Variants in NPEPPS observed in about 807,000 individuals in gnomAD.
NPEPPS encodes the protein puromycin-sensitive aminopeptidase.
NPEPPS carries 14 observed loss-of-function variants against 115.5 expected under a neutral mutation model. That is an observed-to-expected ratio of 0.12 (90% CI 0.08 to 0.19). NPEPPS has a LOEUF of 0.19. NPEPPS is among the 10% of genes least tolerant of loss of function. NPEPPS has a pLI of 1.00. For missense variants in NPEPPS, 523 were observed against 1,110.8 expected, an observed-to-expected ratio of 0.47 and a Z score of 7.52; for synonymous variants, 285 against 390.6, an observed-to-expected ratio of 0.73 and a Z score of 3.19.
At chr17:47,600,032 C>G (rs1222946949) in intron 14 of NPEPPS, among the ~76,000 whole-genome samples, 1 of 152,064 alleles carries the variant, frequency 6.6e-6, no homozygotes, top group Non-Finnish European at 1.5e-5. Context: ...GTTGGCCAGA[C>G]TGGTCTTGAA....
At chr17:47,559,519 G>A (rs1291262558) in intron 2 of NPEPPS, 2 of 289,294 alleles carry the variant, frequency 6.9e-6, no homozygotes, top group Non-Finnish European at 6.8e-6. Flanking sequence ...TTTGAACATA[G>A]TAAGCAGGTA....
intron 12 of NPEPPS, among the ~76,000 whole-genome samples, chr17:47,594,591 TTTATGTTATG>T (rs71141919): frequency 0.21 from 29,501 of 138,118 alleles, 3,230 homozygotes; most frequent in East Asian, 0.25. Context: ...TGTATTTTAT[TTTATGTTATG>T]TTATGTTATG....
chr17:47,563,407 A>G (rs1387254451), intron 2 of NPEPPS, among the ~76,000 whole-genome samples: 3 of 152,152 alleles, frequency 2.0e-5, no homozygotes, highest in Non-Finnish European at 4.4e-5. Context: ...ACACTTACAC[A>G]TAGATGCTTA....
intron 1 of NPEPPS, among the ~76,000 whole-genome samples, chr17:47,525,338 G>C (rs376712168): frequency 2.0e-5 from 3 of 151,972 alleles, no homozygotes; most frequent in African/African-American, 7.2e-5. Context: ...TGTGGCCCTA[G>C]TGTTTTGTTT....
chr17:47,538,186 C>T (rs1326877363), intron 1 of NPEPPS, among the ~76,000 whole-genome samples: 7 of 140,306 alleles, frequency 5.0e-5, no homozygotes, highest in African/African-American at 1.6e-4. Flanking sequence ...AGCCACCGCG[C>T]CTAGCCATAT....
At chr17:47,536,949 G>A (rs1242837335) in intron 1 of NPEPPS, among the ~76,000 whole-genome samples, 2 of 150,442 alleles carry the variant, frequency 1.3e-5, no homozygotes, top group Non-Finnish European at 3.0e-5. Context: ...CTGACCTCAG[G>A]TGATCCACCC....
At chr17:47,577,838 C>G (rs546263959) in intron 3 of NPEPPS, among the ~76,000 whole-genome samples, 13 of 152,222 alleles carry the variant, frequency 8.5e-5, no homozygotes, top group South Asian at 4.1e-4. Flanking sequence ...CTCGCACTCC[C>G]CATAACTTTT....
At chr17:47,524,622 G>A (rs1265452129) in intron 1 of NPEPPS, among the ~76,000 whole-genome samples, 2 of 151,138 alleles carry the variant, frequency 1.3e-5, no homozygotes, top group Non-Finnish European at 2.9e-5. Flanking sequence ...AGCCTCCTGA[G>A]TAGCTGGGAC....
intron 1 of NPEPPS, among the ~76,000 whole-genome samples, chr17:47,540,443 C>T (rs1908665061): frequency 6.6e-6 from 1 of 152,138 alleles, no homozygotes; most frequent in South Asian, 2.1e-4. Context: ...ATGAAGGTGT[C>T]AAAGGTGGGA....
chr17:47,573,936 G>A (rs1331797195), intron 3 of NPEPPS, among the ~76,000 whole-genome samples: 5 of 151,278 alleles, frequency 3.3e-5, no homozygotes, highest in South Asian at 2.1e-4. Context: ...TATATTCTGC[G>A]TTTACACTGT....
At chr17:47,548,590 C>CTTTTTTTTT (rs538733982) in intron 2 of NPEPPS, among the ~76,000 whole-genome samples, 1 of 104,724 alleles carries the variant, frequency 9.5e-6, no homozygotes, top group African/African-American at 3.6e-5. Context: ...CTGAAAAGTT[C>CTTTTTTTTT]TTTTTTTTTT....
At chr17:47,601,498 A>G (rs974160992) in intron 14 of NPEPPS, 110 bp from the exon 15 acceptor site, 10 of 1,134,756 alleles carry the variant, frequency 8.8e-6, no homozygotes, top group Non-Finnish European at 1.0e-5. Context: ...AGAATGAACT[A>G]TTGACTTAAC....
chr17:47,577,552 T>C (rs180697602), intron 3 of NPEPPS, among the ~76,000 whole-genome samples: 413 of 152,338 alleles, frequency 2.7e-3, no homozygotes, highest in African/African-American at 9.6e-3. Flanking sequence ...TCATATATAC[T>C]GTCCCAGTAA....
At chr17:47,557,624 T>A (rs1910137279) in intron 2 of NPEPPS, 1 of 149,356 alleles carries the variant, frequency 6.7e-6, no homozygotes, top group Non-Finnish European at 1.5e-5. Context: ...CCTAAAAATG[T>A]ACTGCTTTTA....
intron 2 of NPEPPS, among the ~76,000 whole-genome samples, chr17:47,567,579 T>G (rs1188494938): frequency 6.6e-6 from 1 of 152,052 alleles, no homozygotes; most frequent in Non-Finnish European, 1.5e-5. Flanking sequence ...ATGTCATCTA[T>G]TAATATTTAA....
At chr17:47,560,460 T>C (rs1910355835) in intron 2 of NPEPPS, among the ~76,000 whole-genome samples, 1 of 152,248 alleles carries the variant, frequency 6.6e-6, no homozygotes, top group Non-Finnish European at 1.5e-5. Context: ...CACTATGTTA[T>C]ATAAATATGA....
chr17:47,618,990 GCTCT>G lies in NPEPPS; in HGVS notation c.2404-16_2404-13del, dbSNP rs1914375285. 1.2e-6 allele frequency: 2 copies of G among 1,609,348 alleles called. No individual in the cohort carries two copies. Among genetic ancestry groups the G allele is most frequent in the South Asian group, 1.1e-5 (1 of 90,670 alleles). ...ATGTTTTTGATACACTAGACTTTTA[GCTCT>G]CTTTCTTTTTTTAGGAAGAGGTACG... On this transcript the variant is annotated splice_polypyrimidine_tract_variant and intron_variant, in intron 20 of 22. Coordinates refer to ENST00000322157, the MANE Select transcript of NPEPPS (RefSeq NM_006310.4).
chr17:47,542,765 C>G (rs1908859540), intron 1 of NPEPPS, among the ~76,000 whole-genome samples: 2 of 152,130 alleles, frequency 1.3e-5, no homozygotes, highest in Middle Eastern at 3.4e-3. Flanking sequence ...TTAGAACATT[C>G]AAATGTCTGG....
upstream of NPEPPS, among the ~76,000 whole-genome samples, chr17:47,529,465 C>T (rs1315711507): frequency 3.5e-5 from 5 of 144,698 alleles, no homozygotes; most frequent in African/African-American, 5.2e-5. Flanking sequence ...AGTGTAGTGG[C>T]GTGATCTTGG....
Sources: gnomAD v4.1 joint callset for allele counts (sites outside exome capture counted in the v4.1 genomes callset) on GRCh38, gnomAD v4.1.1 for gene constraint, MANE v1.5 for transcripts, NCBI Gene and HGNC (gene_info 2026-07-23, HGNC 2026-07-21) for gene names.